CATSPERB: variants seen among roughly 807,000 people sequenced by gnomAD.
CATSPERB encodes the protein catsper channel auxiliary subunit beta.
Under a neutral mutation model 128.3 loss-of-function variants are expected in CATSPERB, and 93 were observed. That is an observed-to-expected ratio of 0.72 (90% CI 0.61 to 0.86). The LOEUF (loss-of-function observed/expected upper bound fraction) is 0.86. CATSPERB is among the 40% of genes least tolerant of loss of function. The pLI is 0.00. For synonymous variants in CATSPERB, 381 were observed against 448.8 expected (o/e 0.85, Z 1.91); for missense variants, 1,153 against 1,329.5 (o/e 0.87, Z 2.06).
At chr14:91,711,671 A>G (rs897948514) in intron 5 of CATSPERB, among the ~76,000 whole-genome samples, 2 of 152,242 alleles carry the variant, frequency 1.3e-5, no homozygotes, top group Non-Finnish European at 2.9e-5. Flanking sequence ...CTGACAAAGG[A>G]GAGTTCAGAT....
chr14:91,668,415 T>C (rs1895026502), intron 14 of CATSPERB, among the ~76,000 whole-genome samples: 1 of 152,058 alleles, frequency 6.6e-6, no homozygotes, highest in Admixed American at 6.5e-5. Context: ...AACGCACCAA[T>C]CAGCACTCTG....
At chr14:91,589,450 AGGCT>A (rs1893358202) in intron 24 of CATSPERB, 80 bp downstream of exon 24, 1 of 1,350,864 alleles carries the variant, frequency 7.4e-7, no homozygotes, top group Non-Finnish European at 1.0e-6. Flanking sequence ...TTGTGTGAAC[AGGCT>A]TTGAAAACCA....
rs187078442 is a variant in CATSPERB at position 91,581,963 on chromosome 14, A to G, written c.3133-856T>C. 1.6e-4 allele frequency among the ~76,000 whole-genome samples: 25 copies of G among 152,322 alleles called. No homozygotes were observed. The East Asian group carries it at 4.8e-3, about 29-fold the overall frequency. On this transcript the variant is annotated intron_variant, in intron 26 of 26. Transcript: ENST00000256343. ...GCTGCTTTAAGGTCTAGCTCAAGTT[A>G]AAGGTACCACCATCCTCCCAGTGAC...
intron 22 of CATSPERB, among the ~76,000 whole-genome samples, chr14:91,602,222 C>T (rs1211035612): frequency 2.0e-5 from 3 of 152,082 alleles, no homozygotes; most frequent in African/African-American, 7.2e-5. Context: ...TGTATGTTTT[C>T]CATCACAAAA....
intron 11 of CATSPERB, 22 bp from the exon 12 acceptor site, chr14:91,674,244 A>G: frequency 6.8e-7 from 1 of 1,480,648 alleles, no homozygotes; most frequent in South Asian, 1.2e-5. Context: ...ATACAAGGGT[A>G]CAGGAATTAT....
chr14:91,586,605 A>G (rs1018481976), intron 26 of CATSPERB, among the ~76,000 whole-genome samples: 10 of 110,340 alleles, frequency 9.1e-5, no homozygotes, highest in Non-Finnish European at 1.5e-4. Context: ...CAGAATGTTA[A>G]TGTAACATCA....
chr14:91,707,573 T>G, intron 6 of CATSPERB, among the ~76,000 whole-genome samples: 1 of 133,214 alleles, frequency 7.5e-6, no homozygotes, highest in Admixed American at 8.5e-5. Context: ...AATATGTACT[T>G]CCTTTTTTTT....
rs577157273 is a variant in CATSPERB at position 91,623,553 on chromosome 14, C to T, written c.1930+1267G>A. Reference sequence around the variant, plus strand: ...CCAGCCATCTTCCCTGAACTCCAGACTTGTATTTCTAAGTGCCCATCTTAT... The same window carrying T: ...CCAGCCATCTTCCCTGAACTCCAGATTTGTATTTCTAAGTGCCCATCTTAT... On this transcript the variant is annotated intron_variant, in intron 18 of 26. Coordinates refer to ENST00000256343, the MANE Select transcript of CATSPERB (RefSeq NM_024764.4). 2.0e-5 allele frequency among the ~76,000 whole-genome samples: 3 copies of T among 152,330 alleles called. No homozygotes were observed. The South Asian group carries it at 6.2e-4, about 32-fold the overall frequency.
rs55687285 is a variant in CATSPERB, at chr14:91,619,861, TTGTGTGTGTGTGTGTGTGTG to T, written c.2260+1727_2260+1746del. Among the ~76,000 whole-genome samples, 120 of 139,126 alleles carry T rather than the reference TTGTGTGTGTGTGTGTGTGTG, an allele frequency of 8.6e-4. 1 individual carries two copies. The East Asian group carries it at 0.019, about 22-fold the overall frequency. 91.3% of individuals were successfully genotyped at this position (139,126 alleles called of 152,430 possible). The stretch of plus-strand genomic sequence containing the variant: ...AAAATATATTTTTAATGTAATAAAA[TTGTGTGTGTGTGTGTGTGTG>T]TGTGTGTGTGTGTGTGTGTGTGTGT... On this transcript the variant is annotated intron_variant, in intron 19 of 26. Coordinates refer to ENST00000256343, the MANE Select transcript of CATSPERB (RefSeq NM_024764.4).
rs1374569904 is a variant in CATSPERB, at chr14:91,672,911, CAAG to C, written c.1081_1083del (p.Leu361del). Reference sequence around the variant, plus strand: ...ACTCCAGTACCACGCTCTTGGTCAACAAGAAATGTTAGCACAGTTGGAAAAATT... The same window carrying C: ...ACTCCAGTACCACGCTCTTGGTCAACAAATGTTAGCACAGTTGGAAAAATT... On this transcript the variant is annotated inframe_deletion, in exon 13 of 27. Coordinates refer to ENST00000256343, the MANE Select transcript of CATSPERB (RefSeq NM_024764.4). 6.3e-7 allele frequency: 1 copy of C among 1,598,958 alleles called. No individual in the cohort carries two copies. Among genetic ancestry groups the C allele is most frequent in the East Asian group, 2.3e-5 (1 of 44,148 alleles).
intron 12 of CATSPERB, among the ~76,000 whole-genome samples, chr14:91,673,654 G>A (rs915812377): frequency 2.6e-5 from 4 of 152,170 alleles, no homozygotes; most frequent in African/African-American, 2.4e-5. Flanking sequence ...GGAGGCCAAG[G>A]GGGGTGGGTC....
Position 91,725,153 on chromosome 14 carries a change from C to A in CATSPERB, c.95G>T (p.Arg32Leu). Residue 32 changes from arginine (R) to leucine (L), a missense_variant, in exon 3 of 27, where the codon CGC becomes CTC. Transcript: ENST00000256343. ...IVYNKDDTEKRFACSNKGFPQ... is the reference protein window; with the variant it reads ...IVYNKDDTEKLFACSNKGFPQ... Reference sequence around the variant, plus strand: ...GAACCCTTTGTTAGAACATGCAAAGCGTTTCTCTGTATCATCTAAATAATA... The same window carrying A: ...GAACCCTTTGTTAGAACATGCAAAGAGTTTCTCTGTATCATCTAAATAATA... The A allele has an allele frequency of 1.9e-6, 3 of 1,554,866 alleles. No homozygotes were observed. The highest frequency in any genetic ancestry group is 2.6e-6 in the Non-Finnish European group (3 of 1,147,732).
intron 22 of CATSPERB, among the ~76,000 whole-genome samples, chr14:91,601,234 A>G (rs1400284282): frequency 6.6e-6 from 1 of 152,250 alleles, no homozygotes; most frequent in Non-Finnish European, 1.5e-5. Context: ...TACTAAAGAA[A>G]GTATTGCCAT....
At chr14:91,693,731 T>C (rs930282387) in intron 7 of CATSPERB, among the ~76,000 whole-genome samples, 5 of 152,226 alleles carry the variant, frequency 3.3e-5, no homozygotes, top group Non-Finnish European at 5.9e-5. Flanking sequence ...TGGTTCATTC[T>C]CTTAAAATAT....
At chr14:91,624,748 A>G (rs1219010321) in intron 18 of CATSPERB, 72 bp downstream of exon 18, 1 of 1,158,444 alleles carries the variant, frequency 8.6e-7, no homozygotes, top group Non-Finnish European at 1.2e-6. Context: ...AATAAGCATT[A>G]AAATGCCTTC....
chr14:91,596,061 T>G (rs186123255), intron 22 of CATSPERB, among the ~76,000 whole-genome samples: 1 of 152,282 alleles, frequency 6.6e-6, no homozygotes, highest in East Asian at 1.9e-4. Flanking sequence ...TTCAGTTAAC[T>G]CCTATTCTGC....
chr14:91,633,127 GCTT>G (rs1236662655), intron 17 of CATSPERB, among the ~76,000 whole-genome samples: 2 of 152,110 alleles, frequency 1.3e-5, no homozygotes, highest in Admixed American at 6.6e-5. Flanking sequence ...AACTCTAACT[GCTT>G]CTTCAGGGGT....
chr14:91,657,915 T>C (rs948236202), intron 15 of CATSPERB, among the ~76,000 whole-genome samples: 2 of 152,154 alleles, frequency 1.3e-5, no homozygotes, highest in Non-Finnish European at 2.9e-5. Flanking sequence ...TTGTACACTG[T>C]TGGTGGGAAT....
intron 11 of CATSPERB, among the ~76,000 whole-genome samples, chr14:91,675,248 ATGG>A (rs1271178997): frequency 1.3e-5 from 2 of 152,204 alleles, no homozygotes; most frequent in Non-Finnish European, 2.9e-5. Context: ...TTAGCTGCTG[ATGG>A]CTAGCTGACC....
Sources: gnomAD v4.1 joint callset for allele counts (sites outside exome capture counted in the v4.1 genomes callset) on GRCh38, gnomAD v4.1.1 for gene constraint, MANE v1.5 for transcripts, NCBI Gene and HGNC (gene_info 2026-07-23, HGNC 2026-07-21) for gene names.